Variants in OPCML observed in about 807,000 individuals in gnomAD.
OPCML encodes the protein opioid-binding protein/cell adhesion molecule.
OPCML carries 13 observed loss-of-function variants against 37.8 expected under a neutral mutation model. The observed-to-expected ratio is 0.34, with a 90% CI of 0.22 to 0.55. OPCML has a LOEUF of 0.55. Ranked by LOEUF, OPCML falls within the 20% of genes least tolerant of loss-of-function variation. OPCML has a pLI of 0.91. For missense variants in OPCML, 341 were observed against 435.6 expected (o/e 0.78, Z 1.93); for synonymous variants, 176 against 168.8 (o/e 1.04, Z -0.33).
intron 2 of OPCML, among the ~76,000 whole-genome samples, chr11:132,926,910 C>G (rs1275694885): frequency 6.6e-6 from 1 of 151,654 alleles, no homozygotes; most frequent in East Asian, 1.9e-4. Flanking sequence ...AGAAAACAAC[C>G]AAAAACAAAT....
At chr11:132,861,147 C>T (rs987154625) in intron 2 of OPCML, among the ~76,000 whole-genome samples, 4 of 152,250 alleles carry the variant, frequency 2.6e-5, no homozygotes, top group East Asian at 1.9e-4. Context: ...TTAAATAACT[C>T]GTGTTCTTTA....
intron 1 of OPCML, among the ~76,000 whole-genome samples, chr11:133,190,840 A>G (rs1194100828): frequency 6.6e-6 from 1 of 152,102 alleles, no homozygotes; most frequent in Admixed American, 6.5e-5. Context: ...GCCGAATATT[A>G]TTTCATTATA....
chr11:132,997,310 C>T (rs1014676401), intron 1 of OPCML, among the ~76,000 whole-genome samples: 3 of 152,202 alleles, frequency 2.0e-5, no homozygotes, highest in African/African-American at 4.8e-5. Flanking sequence ...TCTGGTTTTT[C>T]TGTGGCTGTG....
chr11:132,556,124 G>T (rs57882121), intron 3 of OPCML, among the ~76,000 whole-genome samples: 42,082 of 151,686 alleles, frequency 0.28, 7,812 homozygotes, highest in East Asian at 0.63. Flanking sequence ...AAAAAATTTT[G>T]TAGAGATAGG....
chr11:132,863,707 T>C (rs1942404258), intron 2 of OPCML, among the ~76,000 whole-genome samples: 1 of 152,186 alleles, frequency 6.6e-6, no homozygotes, highest in African/African-American at 2.4e-5. Flanking sequence ...TTGCCTTGTT[T>C]GACTGAAGGC....
chr11:132,767,575 C>T (rs1946491827), intron 2 of OPCML, among the ~76,000 whole-genome samples: 1 of 152,184 alleles, frequency 6.6e-6, no homozygotes, highest in African/African-American at 2.4e-5. Flanking sequence ...CCAGTCTATG[C>T]CATTTGCTCC....
intron 1 of OPCML, among the ~76,000 whole-genome samples, chr11:133,244,793 C>G (rs574949915): frequency 6.6e-6 from 1 of 152,354 alleles, no homozygotes; most frequent in South Asian, 2.1e-4. Flanking sequence ...CCTCCCCAGC[C>G]ATGCCTCCTG....
chr11:133,343,223 G>GCATGCT (rs1246861273), intron 1 of OPCML, among the ~76,000 whole-genome samples: 1 of 152,008 alleles, frequency 6.6e-6, no homozygotes, highest in Non-Finnish European at 1.5e-5. Context: ...GAGAGAAGTG[G>GCATGCT]CATGCTCATG....
chr11:133,008,964 TGAG>T (rs1177233126), intron 1 of OPCML: 2 of 985,314 alleles, frequency 2.0e-6, no homozygotes, highest in South Asian at 4.7e-5. Context: ...TCTACATTAC[TGAG>T]GAGATTAGCA....
intron 2 of OPCML, among the ~76,000 whole-genome samples, chr11:132,825,952 G>C (rs566752740): frequency 7.2e-5 from 11 of 152,262 alleles, no homozygotes; most frequent in African/African-American, 2.6e-4. Context: ...CTTTGTCCAT[G>C]TGTGAACCCC....
At position 132,655,594 on chromosome 11, in the gene OPCML, C is replaced by T. The variant is rs144314489; in HGVS notation, c.379+1493G>A. On this transcript the variant is annotated intron_variant, in intron 3 of 7. Coordinates refer to ENST00000524381, the MANE Select transcript of OPCML (RefSeq NM_001012393.5). ...GCGTGTGTGAACGCCTGAAAGCACGCGAGGAGGGGAGCAGGGCTTGGAGGC... is the reference window on the plus strand; with the variant it reads ...GCGTGTGTGAACGCCTGAAAGCACGTGAGGAGGGGAGCAGGGCTTGGAGGC... Among the ~76,000 whole-genome samples, 381 of 152,280 alleles carry T rather than the reference C, an allele frequency of 2.5e-3. 3 individuals are homozygous for T. The highest frequency in any genetic ancestry group is 8.5e-3 in the African/African-American group (353 of 41,552).
chr11:133,260,128 CAG>C (rs2136454363), intron 1 of OPCML, among the ~76,000 whole-genome samples: 1 of 151,352 alleles, frequency 6.6e-6, no homozygotes, highest in South Asian at 2.1e-4. Context: ...TCTCGGGGGA[CAG>C]AGTTTCAGGA....
At chr11:133,352,204 TG>T (rs1944157023) in intron 1 of OPCML, among the ~76,000 whole-genome samples, 1 of 152,240 alleles carries the variant, frequency 6.6e-6, no homozygotes, top group African/African-American at 2.4e-5. Context: ...CTTCTTACCA[TG>T]CCTACAATGC....
intron 1 of OPCML, among the ~76,000 whole-genome samples, chr11:133,464,020 C>G (rs1323173667): frequency 6.6e-6 from 1 of 151,904 alleles, no homozygotes; most frequent in Non-Finnish European, 1.5e-5. Flanking sequence ...ATGCTTTCAA[C>G]ATCTTGGTGC....
intron 2 of OPCML, among the ~76,000 whole-genome samples, chr11:132,830,636 G>A (rs2136277021): frequency 6.6e-6 from 1 of 152,280 alleles, no homozygotes; most frequent in African/African-American, 2.4e-5. Context: ...GCTGGCTCAT[G>A]GATAGAACCC....
intron 2 of OPCML, chr11:132,772,859 G>C (rs996603143): frequency 6.6e-6 from 1 of 152,160 alleles, no homozygotes; most frequent in Non-Finnish European, 1.5e-5. Context: ...AGCAAGCTCC[G>C]CGGATGCAGA....
intron 1 of OPCML, among the ~76,000 whole-genome samples, chr11:133,471,335 A>C (rs989058892): frequency 3.9e-5 from 6 of 152,266 alleles, no homozygotes; most frequent in Non-Finnish European, 7.3e-5. Flanking sequence ...AAGCCTTTAT[A>C]TACTGATATG....
At chr11:133,518,159 G>A (rs556119182) in intron 1 of OPCML, among the ~76,000 whole-genome samples, 2 of 152,202 alleles carry the variant, frequency 1.3e-5, no homozygotes, top group East Asian at 3.9e-4. Context: ...TATGGGTGGT[G>A]TGTGTGGATA....
chr11:133,244,556 T>C (rs1940851086), intron 1 of OPCML, among the ~76,000 whole-genome samples: 1 of 152,160 alleles, frequency 6.6e-6, no homozygotes, highest in Non-Finnish European at 1.5e-5. Context: ...TGTCGAATTA[T>C]AATCTCCAGC....
Sources: allele counts gnomAD v4.1 joint callset (sites outside exome capture counted in the v4.1 genomes callset), GRCh38; gene constraint gnomAD v4.1.1; transcripts MANE v1.5; gene names NCBI Gene and HGNC (gene_info 2026-07-23, HGNC 2026-07-21).